The following DOCK4 variants were observed in gnomAD, a reference collection of about 807,000 sequenced individuals.
The protein encoded by DOCK4 is dedicator of cytokinesis protein 4.
In DOCK4, 97 loss-of-function variants were observed where a neutral mutation model predicts 268.1. That is an observed-to-expected ratio of 0.36 (90% CI 0.31 to 0.43). The LOEUF (loss-of-function observed/expected upper bound fraction) is 0.43. DOCK4 is among the 20% of genes least tolerant of loss of function. DOCK4 has a pLI of 1.00. For missense variants in DOCK4, 2,145 were observed against 2,455.7 expected, an observed-to-expected ratio of 0.87 and a Z score of 2.67; for synonymous variants, 954 against 887.2, an observed-to-expected ratio of 1.08 and a Z score of -1.34.
At chr7:112,188,821 C>A (rs1271446966) in intron 1 of DOCK4, among the ~76,000 whole-genome samples, 1 of 152,212 alleles carries the variant, frequency 6.6e-6, no homozygotes, top group South Asian at 2.1e-4. Context: ...CTCATATACA[C>A]CCTCATCATA....
At chr7:111,755,750 C>T in intron 41 of DOCK4, 149 bp from the exon 42 acceptor site, 4 of 693,992 alleles carry the variant, frequency 5.8e-6, no homozygotes, top group Middle Eastern at 2.4e-4. Flanking sequence ...GAAACTATCA[C>T]AGTGAGAGAT....
intron 12 of DOCK4, among the ~76,000 whole-genome samples, chr7:111,926,098 A>AAGACAGAC (rs1352639765): frequency 7.1e-6 from 1 of 141,342 alleles, no homozygotes; most frequent in Non-Finnish European, 1.5e-5. Flanking sequence ...AGAAAAAAGA[A>AAGACAGAC]AGAGAGAGAG....
At chr7:112,091,505 T>C (rs1299378418) in intron 1 of DOCK4, among the ~76,000 whole-genome samples, 1 of 152,112 alleles carries the variant, frequency 6.6e-6, no homozygotes, top group Non-Finnish European at 1.5e-5. Flanking sequence ...TTTAGAATAT[T>C]CAAGGCTATC....
At chr7:111,890,271 C>T (rs1014954105) in intron 16 of DOCK4, among the ~76,000 whole-genome samples, 1 of 151,994 alleles carries the variant, frequency 6.6e-6, no homozygotes, top group Non-Finnish European at 1.5e-5. Flanking sequence ...AACTTACTTT[C>T]CAGCAGGTAG....
chr7:111,727,489 A>C lies in DOCK4; in HGVS notation c.*785T>G, dbSNP rs1176247958. 3 of 152,618 alleles carry C rather than the reference A, an allele frequency of 2.0e-5. No homozygotes were observed. The highest frequency in any genetic ancestry group is 7.2e-5 in the African/African-American group (3 of 41,444). The allele number at this position is 152,618 out of a possible 1,614,324, so 9.5% of individuals were successfully genotyped here. On this transcript the variant is annotated 3_prime_UTR_variant, in exon 53 of 53. Transcript: ENST00000428084. ...TTGCTCTTGTTCAATGACAAATTTT[A>C]TATAGGAAACTATCAAGAAAGGAAG...
At chr7:111,842,535 A>T (rs961188923) in intron 25 of DOCK4, among the ~76,000 whole-genome samples, 1 of 152,190 alleles carries the variant, frequency 6.6e-6, no homozygotes, top group Non-Finnish European at 1.5e-5. Flanking sequence ...GGATGTAGTG[A>T]GGTGTCCCAA....
intron 1 of DOCK4, among the ~76,000 whole-genome samples, chr7:112,022,342 C>T (rs961448948): frequency 5.3e-5 from 8 of 152,170 alleles, no homozygotes; most frequent in African/African-American, 1.9e-4. Flanking sequence ...AAGCTGGGGC[C>T]AGACAAGAGA....
At chr7:111,745,288 C>CTGAT (rs1256836445) in intron 44 of DOCK4, among the ~76,000 whole-genome samples, 1 of 152,210 alleles carries the variant, frequency 6.6e-6, no homozygotes, top group Admixed American at 6.5e-5. Flanking sequence ...GCAAGATCTA[C>CTGAT]TGATTGCCCA....
intron 20 of DOCK4, 139 bp downstream of exon 20, chr7:111,871,851 A>G (rs1562827452): frequency 1.9e-6 from 1 of 529,522 alleles, no homozygotes; most frequent in Admixed American, 3.9e-5. Context: ...TTAGCAGGGA[A>G]GAGACTATCT....
chr7:112,191,720 T>C (rs1203891507), intron 1 of DOCK4, among the ~76,000 whole-genome samples: 1 of 151,896 alleles, frequency 6.6e-6, no homozygotes, highest in African/African-American at 2.4e-5. Flanking sequence ...GACAGATGAG[T>C]GCCTGAATCT....
intron 16 of DOCK4, among the ~76,000 whole-genome samples, chr7:111,885,022 G>A (rs1279617227): frequency 2.6e-5 from 4 of 152,188 alleles, no homozygotes; most frequent in African/African-American, 9.6e-5. Context: ...ACTAGAGTAT[G>A]GACTGGAGAA....
chr7:111,916,231 T>A (rs1303622303), intron 12 of DOCK4, among the ~76,000 whole-genome samples: 2 of 152,106 alleles, frequency 1.3e-5, no homozygotes, highest in South Asian at 4.2e-4. Flanking sequence ...ATTCCAGAAG[T>A]AGATGAAGGT....
At chr7:112,174,401 C>A (rs1818330913) in intron 1 of DOCK4, among the ~76,000 whole-genome samples, 1 of 152,114 alleles carries the variant, frequency 6.6e-6, no homozygotes, top group Non-Finnish European at 1.5e-5. Context: ...GACATTCTAT[C>A]ACGAAAAGGT....
intron 1 of DOCK4, among the ~76,000 whole-genome samples, chr7:112,170,707 G>A (rs1818013497): frequency 6.6e-6 from 1 of 152,080 alleles, no homozygotes; most frequent in Non-Finnish European, 1.5e-5. Flanking sequence ...AAGAAGAGTT[G>A]CACATATCCA....
At chr7:112,098,714 T>C (rs569204298) in intron 1 of DOCK4, among the ~76,000 whole-genome samples, 1 of 150,214 alleles carries the variant, frequency 6.7e-6, no homozygotes, top group South Asian at 2.1e-4. Flanking sequence ...TTTTACATAA[T>C]TATATAGATT....
chr7:111,961,064 C>T (rs952529858), intron 8 of DOCK4, among the ~76,000 whole-genome samples: 2 of 151,988 alleles, frequency 1.3e-5, no homozygotes, highest in Non-Finnish European at 2.9e-5. Context: ...TTGCTGGATC[C>T]CTATCACACG....
intron 1 of DOCK4, among the ~76,000 whole-genome samples, chr7:112,166,091 T>G (rs571350497): frequency 6.6e-6 from 1 of 152,300 alleles, no homozygotes; most frequent in South Asian, 2.1e-4. Context: ...TTCTTTTTAA[T>G]GCCATATCTA....
rs202224440 is a variant in DOCK4 at position 112,101,771 on chromosome 7, C to CA, written c.38-97641_38-97640insT. 5.7e-3 allele frequency among the ~76,000 whole-genome samples: 866 copies of CA among 151,870 alleles called. 5 individuals are homozygous for CA. Among genetic ancestry groups the CA allele is most frequent in the Non-Finnish European group, 0.01 (681 of 67,952 alleles). ...CCTGCTGACCAACTTTTCTTATAGT[C>CA]TTTTTTTGCTCGGCCCTTATCCTCC... is the stretch of plus-strand genomic sequence containing the variant. On this transcript the variant is annotated intron_variant, in intron 1 of 52. Transcript: ENST00000428084.
At chr7:112,131,944 G>A (rs1368068723) in intron 1 of DOCK4, among the ~76,000 whole-genome samples, 1 of 152,126 alleles carries the variant, frequency 6.6e-6, no homozygotes, top group Non-Finnish European at 1.5e-5. Context: ...GGGTCTGGAG[G>A]CAGAAGACTA....
Sources: gnomAD v4.1 joint callset for allele counts (sites outside exome capture counted in the v4.1 genomes callset) on GRCh38, gnomAD v4.1.1 for gene constraint, MANE v1.5 for transcripts, NCBI Gene and HGNC (gene_info 2026-07-23, HGNC 2026-07-21) for gene names.